BCR: variants seen among roughly 807,000 people sequenced by gnomAD.
The protein encoded by BCR is BCR activator of RhoGEF and GTPase.
A neutral mutation model predicts 138.6 loss-of-function variants in BCR; 58 were observed. That is an observed-to-expected ratio of 0.42 (90% CI 0.34 to 0.52). The LOEUF (loss-of-function observed/expected upper bound fraction) is 0.52. BCR is among the 20% of genes least tolerant of loss of function. The pLI is 0.06. For missense variants in BCR, 1,599 were observed against 1,727.2 expected, an observed-to-expected ratio of 0.93 and a Z score of 1.32; for synonymous variants, 786 against 730.1, an observed-to-expected ratio of 1.08 and a Z score of -1.23.
intron 1 of BCR, among the ~76,000 whole-genome samples, chr22:23,208,336 T>C (rs1202177514): frequency 6.6e-6 from 1 of 152,140 alleles, no homozygotes; most frequent in Non-Finnish European, 1.5e-5. Context: ...GGTTGAAGTT[T>C]GTGACCCCCA....
At chr22:23,237,219 C>T (rs545858448) in intron 1 of BCR, among the ~76,000 whole-genome samples, 2 of 152,336 alleles carry the variant, frequency 1.3e-5, no homozygotes, top group East Asian at 1.9e-4. Flanking sequence ...CAGTCCTCAT[C>T]AGGATCTGCT....
intron 1 of BCR, among the ~76,000 whole-genome samples, chr22:23,219,083 G>A (rs2072791118): frequency 6.6e-6 from 1 of 152,230 alleles, no homozygotes; most frequent in Non-Finnish European, 1.5e-5. Context: ...ATGGATGGAT[G>A]GACGGAGGGC....
intron 1 of BCR, among the ~76,000 whole-genome samples, chr22:23,232,909 G>A (rs2072974790): frequency 6.6e-6 from 1 of 152,214 alleles, no homozygotes; most frequent in Non-Finnish European, 1.5e-5. Flanking sequence ...GGCTTTGTTG[G>A]GTAAATGCAA....
intron 2 of BCR, among the ~76,000 whole-genome samples, chr22:23,254,909 T>C (rs888430062): frequency 2.6e-5 from 4 of 152,074 alleles, no homozygotes; most frequent in African/African-American, 9.7e-5. Context: ...ACACCTATAA[T>C]CCCAGCGACT....
chr22:23,288,317 T>TTTTCTAA, intron 12 of BCR, 145 bp downstream of exon 12: 1 of 861,442 alleles, frequency 1.2e-6, no homozygotes, highest in East Asian at 2.7e-5. Flanking sequence ...AGAAAAGAAG[T>TTTTCTAA]TGGCGACAGC....
intron 20 of BCR, 44 bp downstream of exon 20, chr22:23,313,065 C>T (rs373620836): frequency 5.1e-5 from 79 of 1,536,254 alleles, no homozygotes; most frequent in East Asian, 5.0e-4. Context: ...GTCTCCTCCA[C>T]GTGCACTGCT....
intron 4 of BCR, among the ~76,000 whole-genome samples, chr22:23,268,023 A>G (rs1439460343): frequency 6.6e-6 from 1 of 152,210 alleles, no homozygotes; most frequent in African/African-American, 2.4e-5. Flanking sequence ...CTCTGTGTCC[A>G]GGGTACACTC....
chr22:23,206,319 A>T (rs1477134171), intron 1 of BCR, among the ~76,000 whole-genome samples: 1 of 152,206 alleles, frequency 6.6e-6, no homozygotes, highest in African/African-American at 2.4e-5. Context: ...TCACGCCTGT[A>T]ATCCCAGCAC....
chr22:23,206,121 C>T lies in BCR; in HGVS notation c.1279+23882C>T, dbSNP rs531342496. Among the ~76,000 whole-genome samples the T allele has an allele frequency of 1.4e-4, 22 of 152,336 alleles. No individual in the cohort carries two copies. In the South Asian group the frequency reaches 2.1e-3, roughly 14 times the overall value. On this transcript the variant is annotated intron_variant, in intron 1 of 22. Coordinates refer to ENST00000305877, the MANE Select transcript of BCR (RefSeq NM_004327.4). ...GTCACTTGGTTTCTAACTTCCCTTT[C>T]TCTTCCCTGTTTCCTGCTGCTTCCC...
intron 1 of BCR, among the ~76,000 whole-genome samples, chr22:23,226,323 A>AGTGTGTGT (rs1417815309): frequency 1.9e-5 from 1 of 51,594 alleles, no homozygotes; most frequent in African/African-American, 7.2e-5. Context: ...AGAGAGAGAG[A>AGTGTGTGT]GAGAGTGTGT....
intron 1 of BCR, among the ~76,000 whole-genome samples, chr22:23,191,936 A>C (rs765427195): frequency 1.3e-5 from 2 of 152,148 alleles, no homozygotes; most frequent in African/African-American, 2.4e-5. Context: ...GCTCACCCTT[A>C]GAGAACTTCC....
chr22:23,235,694 G>T (rs1026424910), intron 1 of BCR, among the ~76,000 whole-genome samples: 1 of 152,176 alleles, frequency 6.6e-6, no homozygotes, highest in Non-Finnish European at 1.5e-5. Flanking sequence ...CATAAACTGG[G>T]TACCTTAAAC....
chr22:23,199,061 GC>G (rs1304867825), intron 1 of BCR: 8 of 262,674 alleles, frequency 3.0e-5, no homozygotes, highest in African/African-American at 1.2e-4. Flanking sequence ...GGCAGAGGTT[GC>G]AGTAAGCCAA....
chr22:23,277,504 C>G (rs2073591951), intron 8 of BCR, among the ~76,000 whole-genome samples: 1 of 152,032 alleles, frequency 6.6e-6, no homozygotes, highest in African/African-American at 2.4e-5. Context: ...CGCACACTAC[C>G]CCATCCCCTG....
At chr22:23,242,881 G>T (rs1286172585) in intron 1 of BCR, 1 of 455,804 alleles carries the variant, frequency 2.2e-6, no homozygotes, top group Admixed American at 2.4e-5. Context: ...GAGGCTCTAG[G>T]GGAGGATCCT....
chr22:23,252,787 T>C (rs960342144), intron 1 of BCR, among the ~76,000 whole-genome samples: 10 of 152,164 alleles, frequency 6.6e-5, no homozygotes, highest in Non-Finnish European at 1.2e-4. Context: ...ACCAACTGTT[T>C]TCTCTGTACA....
intron 4 of BCR, chr22:23,264,348 C>T: frequency 1.0e-6 from 1 of 973,842 alleles, no homozygotes; most frequent in Admixed American, 1.7e-5. Context: ...CCTGGATATT[C>T]AAAACCCGTG....
In BCR at chr22:23,289,852, T is replaced by C. The variant is rs116724017; in HGVS notation, c.2707+231T>C. 3.8e-5 allele frequency: 22 copies of C among 574,218 alleles called. No homozygotes were observed. In the African/African-American group the frequency reaches 4.1e-4, roughly 11 times the overall value. 35.6% of individuals were successfully genotyped at this position (574,218 alleles called of 1,614,324 possible). A position where few individuals can be genotyped will look rare whatever the true frequency, so the allele number is the denominator to read the frequency against. On this transcript the variant is annotated intron_variant, in intron 13 of 22. Transcript: ENST00000305877. ...CTGGGTGGTTGAGGAGATGCACGGCTTCTGTTCCTAGTCACAAGGCTGCAG... is the reference window on the plus strand; with the variant it reads ...CTGGGTGGTTGAGGAGATGCACGGCCTCTGTTCCTAGTCACAAGGCTGCAG...
At chr22:23,182,807 C>T (rs367587551) in intron 1 of BCR, among the ~76,000 whole-genome samples, 50 of 152,320 alleles carry the variant, frequency 3.3e-4, no homozygotes, top group Middle Eastern at 6.8e-3. Context: ...ACACAAGTCA[C>T]AGCAGGTGAG....
Sources: gnomAD v4.1 joint callset for allele counts (sites outside exome capture counted in the v4.1 genomes callset) on GRCh38, gnomAD v4.1.1 for gene constraint, MANE v1.5 for transcripts, NCBI Gene and HGNC (gene_info 2026-07-23, HGNC 2026-07-21) for gene names.